The following NEK2 variants were observed in gnomAD, a reference collection of about 807,000 sequenced individuals.
NEK2 encodes NIMA related kinase 2, also known as serine/threonine-protein kinase Nek2.
Under a neutral mutation model 54.1 loss-of-function variants are expected in NEK2, and 28 were observed. The observed-to-expected ratio is 0.52, with a 90% CI of 0.38 to 0.71. The LOEUF is 0.71. NEK2 is among the 30% of genes least tolerant of loss of function. The probability of loss-of-function intolerance (pLI) is 0.00; values close to 1 mark genes in which losing one functional copy is unlikely to be tolerated. For missense variants in NEK2, 407 were observed against 531.5 expected (o/e 0.77, Z 2.30); for synonymous variants, 176 against 193.1 (o/e 0.91, Z 0.73).
At chr1:211,672,209 C>T (rs929846116) in intron 3 of NEK2, among the ~76,000 whole-genome samples, 1 of 152,184 alleles carries the variant, frequency 6.6e-6, no homozygotes, top group Non-Finnish European at 1.5e-5. Context: ...ATGTTATATA[C>T]TAACACATTA....
At chr1:211,664,885 G>A (rs1375848867) in intron 7 of NEK2, among the ~76,000 whole-genome samples, 2 of 152,200 alleles carry the variant, frequency 1.3e-5, no homozygotes, top group African/African-American at 2.4e-5. Context: ...GGAGTGCAGT[G>A]GCTAGTCACA....
intron 2 of NEK2, among the ~76,000 whole-genome samples, 159 bp from the exon 3 acceptor site, chr1:211,673,882 T>C (rs1174880224): frequency 6.6e-6 from 1 of 152,202 alleles, no homozygotes. Context: ...TGGAATGCAG[T>C]GGCACGATCA....
chr1:211,663,750 C>T (rs905265225), intron 7 of NEK2, 98 bp from the exon 8 acceptor site: 7 of 1,185,266 alleles, frequency 5.9e-6, no homozygotes, highest in Middle Eastern at 2.2e-4. Flanking sequence ...TTATGGCTCA[C>T]ATTTGAAATC....
chr1:211,674,833 C>T (rs571060180), intron 1 of NEK2, among the ~76,000 whole-genome samples: 2 of 152,220 alleles, frequency 1.3e-5, no homozygotes, highest in East Asian at 1.9e-4. Flanking sequence ...GGTCAAAGTC[C>T]CTGCCCCATT....
chr1:211,669,017 T>C (rs1397958489), intron 6 of NEK2, 96 bp downstream of exon 6: 3 of 1,115,268 alleles, frequency 2.7e-6, no homozygotes, highest in Non-Finnish European at 2.6e-6. Flanking sequence ...TAATAAGATC[T>C]GTATGTATAA....
intron 1 of NEK2, 143 bp downstream of exon 1, chr1:211,675,241 C>T: frequency 1.4e-6 from 1 of 722,980 alleles, no homozygotes; most frequent in Non-Finnish European, 2.4e-6. Context: ...GACAGGCTGT[C>T]AGATGCAGAC....
At chr1:211,668,364 T>C (rs1445179881) in intron 6 of NEK2, among the ~76,000 whole-genome samples, 2 of 152,150 alleles carry the variant, frequency 1.3e-5, no homozygotes, top group African/African-American at 4.8e-5. Context: ...CTTGGTGGAG[T>C]AGACACACTT....
chr1:211,658,882 A>C (rs1654949170), downstream of NEK2, among the ~76,000 whole-genome samples: 1 of 152,094 alleles, frequency 6.6e-6, no homozygotes, highest in Non-Finnish European at 1.5e-5. Flanking sequence ...TTTTGATGAG[A>C]TCTATCAAAA....
chr1:211,674,567 A>G, intron 1 of NEK2, 54 bp from the exon 2 acceptor site: 2 of 1,345,328 alleles, frequency 1.5e-6, no homozygotes, highest in Non-Finnish European at 2.0e-6. Flanking sequence ...AAAAACAAAG[A>G]ATGAAAGTTC....
intron 1 of NEK2, among the ~76,000 whole-genome samples, chr1:211,674,882 T>C (rs1171021266): frequency 6.6e-6 from 1 of 152,192 alleles, no homozygotes; most frequent in East Asian, 1.9e-4. Context: ...GACACCTTGG[T>C]AAAGATCCCT....
Position 211,663,026 on chromosome 1 carries a change from C to A in NEK2, c.*400G>T, listed in dbSNP as rs1209897400. 1 of 992,498 alleles carries A rather than the reference C, an allele frequency of 1.0e-6. No individual in the cohort carries two copies. The allele number at this position is 992,498 out of a possible 1,614,324, so 61.5% of individuals were successfully genotyped here. ...AAAATCTCAGACTTAAAATTTAAAT[C>A]TAGACATGACAATTGTAAGCATACC... On this transcript the variant is annotated 3_prime_UTR_variant, in exon 8 of 8. Coordinates refer to ENST00000366999, the MANE Select transcript of NEK2 (RefSeq NM_002497.4).
intron 3 of NEK2, among the ~76,000 whole-genome samples, chr1:211,673,147 G>C (rs1321250182): frequency 6.6e-6 from 1 of 151,952 alleles, no homozygotes; most frequent in Non-Finnish European, 1.5e-5. Flanking sequence ...GGTGGCTCAC[G>C]CCTGTAATCC....
At position 211,672,508 on chromosome 1, in the gene NEK2, A is replaced by G. The variant is rs568680382; in HGVS notation, c.555+975T>C. ...AATGTACAAAAAGTTAACATTGTAA[A>G]AACATGCTATCTGAAGTGAGCAAAC... is the stretch of plus-strand genomic sequence containing the variant. On this transcript the variant is annotated intron_variant, in intron 3 of 7. Transcript: ENST00000366999. Among the ~76,000 whole-genome samples the G allele has an allele frequency of 8.5e-5, 13 of 152,340 alleles. No individual in the cohort carries two copies. In the South Asian group the frequency reaches 2.7e-3, roughly 32 times the overall value.
chr1:211,673,378 C>T lies in NEK2; in HGVS notation c.555+105G>A, dbSNP rs1404508257. The T allele has an allele frequency of 7.9e-6, 11 of 1,395,728 alleles. No homozygotes were observed. The East Asian group carries it at 1.9e-4, about 25-fold the overall frequency. 86.5% of individuals were successfully genotyped at this position (1,395,728 alleles called of 1,614,324 possible). On this transcript the variant is annotated intron_variant, in intron 3 of 7. Coordinates refer to ENST00000366999, the MANE Select transcript of NEK2 (RefSeq NM_002497.4). ...GCAGTGAGCCCAGATCGCACCACTG[C>T]ACTCCAGCCTGGGCAACAGAGCGAG...
chr1:211,673,415 A>AAAAC (rs1303782970), intron 3 of NEK2, 68 bp downstream of exon 3: 2 of 1,593,578 alleles, frequency 1.3e-6, no homozygotes, highest in East Asian at 4.5e-5. Context: ...CTCTGTCTCA[A>AAAAC]AAACAAACAA....
At chr1:211,672,816 A>T (rs1176274093) in intron 3 of NEK2, among the ~76,000 whole-genome samples, 2 of 152,134 alleles carry the variant, frequency 1.3e-5, no homozygotes, top group Admixed American at 6.5e-5. Context: ...GTAATCCTTG[A>T]GTTTAATGCA....
At chr1:211,661,669 T>C (rs2102437318), downstream of NEK2, among the ~76,000 whole-genome samples, 1 of 152,336 alleles carries the variant, frequency 6.6e-6, no homozygotes, top group South Asian at 2.1e-4. Context: ...TTCTGTTAGA[T>C]TTAGTGGTAA....
chr1:211,669,615 G>A (rs1655301054), intron 5 of NEK2: 1 of 405,490 alleles, frequency 2.5e-6, no homozygotes, highest in African/African-American at 2.1e-5. Flanking sequence ...TCTTGTGCTG[G>A]GGCTTGGTAG....
At chr1:211,667,533 T>C (rs1427677741) in intron 6 of NEK2, among the ~76,000 whole-genome samples, 3 of 152,212 alleles carry the variant, frequency 2.0e-5, no homozygotes, top group African/African-American at 4.8e-5. Context: ...AAACTAAAGC[T>C]ATCTCTGCTC....
Sources: allele counts gnomAD v4.1 joint callset (sites outside exome capture counted in the v4.1 genomes callset), GRCh38; gene constraint gnomAD v4.1.1; transcripts MANE v1.5; gene names NCBI Gene and HGNC (gene_info 2026-07-23, HGNC 2026-07-21).